EDIL3: variants seen among roughly 807,000 people sequenced by gnomAD.
EDIL3 encodes EGF like and discoidin domains 3.
Under a neutral mutation model 67.4 loss-of-function variants are expected in EDIL3, and 37 were observed. The ratio of observed to expected loss-of-function variants is 0.55; its 90% CI spans 0.42 to 0.72. The LOEUF (loss-of-function observed/expected upper bound fraction) is 0.72. Among genes scored for constraint, EDIL3 ranks in the 30% least tolerant of loss-of-function variants. The probability of loss-of-function intolerance (pLI) is 0.00; values close to 1 mark genes in which losing one functional copy is unlikely to be tolerated. For synonymous variants in EDIL3, 195 were observed against 196.3 expected, an observed-to-expected ratio of 0.99 and a Z score of 0.05; for missense variants, 527 against 586.3, an observed-to-expected ratio of 0.90 and a Z score of 1.04.
chr5:84,121,951 TC>T (rs1747783620), intron 5 of EDIL3, among the ~76,000 whole-genome samples: 1 of 152,026 alleles, frequency 6.6e-6, no homozygotes, highest in African/African-American at 2.4e-5. Flanking sequence ...ATGGGCCTAT[TC>T]CTCGCATCTT....
At chr5:83,951,921 T>C (rs934392095) in intron 10 of EDIL3, among the ~76,000 whole-genome samples, 1 of 151,770 alleles carries the variant, frequency 6.6e-6, no homozygotes, top group Non-Finnish European at 1.5e-5. Flanking sequence ...CAAGCTGGCA[T>C]AGGCAATACT....
chr5:84,348,578 T>C (rs996326258), intron 1 of EDIL3, among the ~76,000 whole-genome samples: 5 of 140,868 alleles, frequency 3.5e-5, no homozygotes, highest in African/African-American at 1.3e-4. Context: ...TTTTGTCTTC[T>C]ATGTTCCTCT....
At chr5:84,225,236 T>G (rs1375152896) in intron 3 of EDIL3, among the ~76,000 whole-genome samples, 3 of 151,636 alleles carry the variant, frequency 2.0e-5, no homozygotes, top group Admixed American at 6.6e-5. Flanking sequence ...GCATGCCTAC[T>G]ATTAGAAATG....
At chr5:84,033,410 A>G (rs1300713814) in intron 9 of EDIL3, among the ~76,000 whole-genome samples, 1 of 152,194 alleles carries the variant, frequency 6.6e-6, no homozygotes, top group Non-Finnish European at 1.5e-5. Context: ...CATAGAATTC[A>G]AAGATATTAA....
chr5:84,277,691 C>G (rs560652458), intron 1 of EDIL3, among the ~76,000 whole-genome samples: 68 of 152,158 alleles, frequency 4.5e-4, no homozygotes, highest in African/African-American at 1.5e-3. Flanking sequence ...TAGTGAAATA[C>G]CAACTTATCA....
At chr5:84,103,717 A>G (rs961555591) in intron 6 of EDIL3, among the ~76,000 whole-genome samples, 1 of 152,058 alleles carries the variant, frequency 6.6e-6, no homozygotes, top group Non-Finnish European at 1.5e-5. Flanking sequence ...TAAAATAATA[A>G]TAGATGCTGG....
At chr5:84,344,349 A>G (rs767525986) in intron 1 of EDIL3, among the ~76,000 whole-genome samples, 4 of 152,166 alleles carry the variant, frequency 2.6e-5, no homozygotes, top group Admixed American at 6.6e-5. Context: ...GCATAGTCCA[A>G]TGTTCACCAC....
At chr5:84,222,380 T>C (rs1744360380) in intron 3 of EDIL3, among the ~76,000 whole-genome samples, 1 of 151,878 alleles carries the variant, frequency 6.6e-6, no homozygotes, top group Admixed American at 6.6e-5. Flanking sequence ...ATGTAAATGA[T>C]TAAAATATTA....
chr5:84,252,578 T>C (rs76520826), intron 2 of EDIL3, among the ~76,000 whole-genome samples: 6,872 of 151,192 alleles, frequency 0.045, 407 homozygotes, highest in East Asian at 0.22. Flanking sequence ...GATTCCAGAT[T>C]TGGATCTTTC....
At position 84,117,026 on chromosome 5, in the gene EDIL3, T is replaced by TA. The variant is rs1272169325; in HGVS notation, c.470-10197_470-10196insT. 9.7e-4 allele frequency among the ~76,000 whole-genome samples: 122 copies of TA among 125,450 alleles called. 1 individual carries two copies. The highest frequency in any genetic ancestry group is 3.9e-3 in the African/African-American group (116 of 29,638). 82.3% of individuals were successfully genotyped at this position (125,450 alleles called of 152,430 possible). A position where few individuals can be genotyped will look rare whatever the true frequency, so the allele number is the denominator to read the frequency against. ...GTATCCAAGTTAAGTACTTATTTTT[T>TA]TTTTTTTTTTTTTTTTTTTGAGACG... On this transcript the variant is annotated intron_variant, in intron 5 of 10. Transcript: ENST00000296591.
At chr5:84,005,408 T>C (rs1248202457) in intron 9 of EDIL3, among the ~76,000 whole-genome samples, 4 of 152,104 alleles carry the variant, frequency 2.6e-5, no homozygotes, top group South Asian at 2.1e-4. Flanking sequence ...CTGACGAACA[T>C]AGATGTGAAA....
intron 1 of EDIL3, among the ~76,000 whole-genome samples, chr5:84,334,172 G>A (rs1746937032): frequency 6.6e-6 from 1 of 151,384 alleles, no homozygotes; most frequent in Non-Finnish European, 1.5e-5. Context: ...GTTCAAGCGG[G>A]AGCCTTAGCC....
chr5:84,224,412 A>C (rs1297968680), intron 3 of EDIL3, among the ~76,000 whole-genome samples: 1 of 151,576 alleles, frequency 6.6e-6, no homozygotes, highest in African/African-American at 2.4e-5. Context: ...TATATGGATT[A>C]GTTTATTTTT....
intron 6 of EDIL3, among the ~76,000 whole-genome samples, chr5:84,096,289 C>CA (rs1747261776): frequency 6.6e-6 from 1 of 152,176 alleles, no homozygotes; most frequent in Non-Finnish European, 1.5e-5. Flanking sequence ...CACAGATGCT[C>CA]AAAGGCAACC....
intron 1 of EDIL3, among the ~76,000 whole-genome samples, chr5:84,353,954 C>T (rs954012013): frequency 1.1e-4 from 16 of 152,178 alleles, no homozygotes; most frequent in African/African-American, 3.9e-4. Flanking sequence ...TGAAAACTAA[C>T]TTTATTAGTC....
intron 3 of EDIL3, among the ~76,000 whole-genome samples, chr5:84,198,619 C>T (rs141525928): frequency 1.3e-5 from 2 of 152,144 alleles, no homozygotes; most frequent in East Asian, 3.9e-4. Flanking sequence ...TGTTTGTCTA[C>T]CACCTAAAGT....
chr5:84,062,883 TTAAC>T (rs1172561930), intron 8 of EDIL3, among the ~76,000 whole-genome samples: 1 of 152,092 alleles, frequency 6.6e-6, no homozygotes, highest in Admixed American at 6.6e-5. Context: ...TATAAATTAA[TTAAC>T]TCTCTTACCA....
intron 9 of EDIL3, among the ~76,000 whole-genome samples, chr5:84,000,330 A>T (rs999608554): frequency 6.6e-6 from 1 of 152,174 alleles, no homozygotes; most frequent in Non-Finnish European, 1.5e-5. Context: ...TCTCAAAAAT[A>T]ATACCTATGA....
At chr5:84,205,204 C>A (rs1353615373) in intron 3 of EDIL3, among the ~76,000 whole-genome samples, 2 of 151,902 alleles carry the variant, frequency 1.3e-5, no homozygotes, top group Non-Finnish European at 1.5e-5. Context: ...GTGTTAGCCA[C>A]CATGCCAGGC....
Sources: gnomAD v4.1 joint callset for allele counts (sites outside exome capture counted in the v4.1 genomes callset) on GRCh38, gnomAD v4.1.1 for gene constraint, MANE v1.5 for transcripts, NCBI Gene and HGNC (gene_info 2026-07-23, HGNC 2026-07-21) for gene names.